SNX24: variants seen among roughly 807,000 people sequenced by gnomAD.
The protein encoded by SNX24 is sorting nexin 24, also known as sorting nexin-24.
Under a neutral mutation model 28.7 loss-of-function variants are expected in SNX24, and 22 were observed. That is an observed-to-expected ratio of 0.77 (90% CI 0.55 to 1.10). The LOEUF is 1.10. Ranked by LOEUF, SNX24 falls within the 50% of genes least tolerant of loss-of-function variation. The pLI is 0.00. For missense variants in SNX24, 221 were observed against 201.1 expected, an observed-to-expected ratio of 1.10 and a Z score of -0.60; for synonymous variants, 69 against 71.5, an observed-to-expected ratio of 0.96 and a Z score of 0.18.
intron 1 of SNX24, among the ~76,000 whole-genome samples, chr5:122,857,261 C>T (rs1269178054): frequency 6.6e-6 from 1 of 152,116 alleles, no homozygotes; most frequent in Admixed American, 6.5e-5. Flanking sequence ...ATCTGCCTGC[C>T]TCAGCCTCCC....
chr5:122,998,256 A>G (rs1762119707), intron 3 of SNX24: 1 of 152,026 alleles, frequency 6.6e-6, no homozygotes, highest in African/African-American at 2.4e-5. Context: ...GGACAGAGGG[A>G]TGGACGGATG....
intron 1 of SNX24, among the ~76,000 whole-genome samples, chr5:122,923,143 CA>C (rs1758516153): frequency 6.6e-6 from 1 of 151,918 alleles, no homozygotes; most frequent in Admixed American, 6.6e-5. Context: ...CCAGCCTGGG[CA>C]ACAAATCAAG....
chr5:122,941,971 G>C (rs1387681435), intron 2 of SNX24, among the ~76,000 whole-genome samples: 2 of 152,142 alleles, frequency 1.3e-5, no homozygotes, highest in Non-Finnish European at 2.9e-5. Flanking sequence ...GAGCCTTCAG[G>C]CTTATGAGTG....
At chr5:123,026,980 G>C (rs1241103097) in intron 5 of SNX24, among the ~76,000 whole-genome samples, 1 of 152,056 alleles carries the variant, frequency 6.6e-6, no homozygotes. Flanking sequence ...AGATCGCAAG[G>C]CCAGGAGATT....
At chr5:122,889,769 C>T (rs915513643) in intron 1 of SNX24, among the ~76,000 whole-genome samples, 1 of 147,290 alleles carries the variant, frequency 6.8e-6, no homozygotes, top group African/African-American at 2.5e-5. Context: ...TACCTCTTCT[C>T]CCTTCATTTT....
chr5:122,961,779 CAT>C (rs1302470417), intron 3 of SNX24, among the ~76,000 whole-genome samples: 7 of 152,122 alleles, frequency 4.6e-5, no homozygotes, highest in African/African-American at 1.7e-4. Flanking sequence ...TTCTGTTGTA[CAT>C]ACATGTTTCT....
chr5:122,969,556 A>G (rs959067341), intron 3 of SNX24, among the ~76,000 whole-genome samples: 7 of 152,318 alleles, frequency 4.6e-5, no homozygotes, highest in African/African-American at 1.7e-4. Context: ...ATGAAATCGT[A>G]ACATCTCTTG....
Position 123,007,782 on chromosome 5 carries a change from G to A in SNX24, c.*33G>A. ...ACATGGCTAAAAGAAGCAGAAGCAA[G>A]TTTCGAAGTCACAGTCAAGGAAATC... On this transcript the variant is annotated 3_prime_UTR_variant, in exon 7 of 7. Transcript: ENST00000261369. The A allele has an allele frequency of 1.3e-6, 2 of 1,581,124 alleles. No homozygotes were observed. The highest frequency in any genetic ancestry group is 1.7e-6 in the Non-Finnish European group (2 of 1,171,392).
intron 1 of SNX24, among the ~76,000 whole-genome samples, chr5:122,907,583 G>T (rs753900184): frequency 1.4e-4 from 21 of 152,150 alleles, no homozygotes; most frequent in Admixed American, 3.9e-4. Flanking sequence ...CTCTATTCCA[G>T]ACATGTACTA....
At chr5:123,010,778 G>C (rs1762559054), downstream of SNX24, among the ~76,000 whole-genome samples, 1 of 152,064 alleles carries the variant, frequency 6.6e-6, no homozygotes, top group African/African-American at 2.4e-5. Flanking sequence ...AGCAGATATT[G>C]TATGTTTAGT....
At chr5:122,861,681 G>A (rs1012039478) in intron 1 of SNX24, among the ~76,000 whole-genome samples, 2 of 151,966 alleles carry the variant, frequency 1.3e-5, no homozygotes, top group African/African-American at 2.4e-5. Context: ...TATTTGAAAC[G>A]CCCAATATGG....
chr5:122,942,968 C>T (rs914660129), intron 2 of SNX24, among the ~76,000 whole-genome samples: 1 of 152,040 alleles, frequency 6.6e-6, no homozygotes, highest in African/African-American at 2.4e-5. Context: ...AAAGGAGAGA[C>T]ATATAATAGA....
intron 1 of SNX24, among the ~76,000 whole-genome samples, chr5:122,862,481 A>C (rs980626561): frequency 6.6e-6 from 1 of 151,894 alleles, no homozygotes; most frequent in Non-Finnish European, 1.5e-5. Context: ...CGGCGCCTGT[A>C]GTCCCAGCTA....
chr5:122,940,575 G>GTAT (rs901044778), intron 2 of SNX24, among the ~76,000 whole-genome samples: 1 of 152,004 alleles, frequency 6.6e-6, no homozygotes, highest in African/African-American at 2.4e-5. Flanking sequence ...TAAAATTTAT[G>GTAT]TATTATTATT....
At chr5:122,871,026 T>A (rs534315808) in intron 1 of SNX24, among the ~76,000 whole-genome samples, 1 of 152,298 alleles carries the variant, frequency 6.6e-6, no homozygotes, top group Admixed American at 6.5e-5. Flanking sequence ...GGGGTATGGA[T>A]TGAGCATCAG....
intron 1 of SNX24, among the ~76,000 whole-genome samples, chr5:122,894,187 C>G (rs996247471): frequency 6.6e-6 from 1 of 152,004 alleles, no homozygotes; most frequent in Admixed American, 6.6e-5. Context: ...TGGTTTAAAA[C>G]TATATAAAGA....
intron 3 of SNX24, among the ~76,000 whole-genome samples, chr5:122,992,005 TTAAA>T (rs1295324867): frequency 1.2e-4 from 18 of 152,226 alleles, no homozygotes; most frequent in African/African-American, 4.3e-4. Context: ...TCCAATAAAA[TTAAA>T]TAAGAAAAGA....
chr5:123,015,471 T>C (rs1277164331), intron 5 of SNX24, among the ~76,000 whole-genome samples: 1 of 152,226 alleles, frequency 6.6e-6, no homozygotes, highest in Non-Finnish European at 1.5e-5. Flanking sequence ...ATGTCTATTC[T>C]TTTTACAAAT....
At chr5:122,860,488 A>G (rs1755408825) in intron 1 of SNX24, among the ~76,000 whole-genome samples, 1 of 152,180 alleles carries the variant, frequency 6.6e-6, no homozygotes, top group Non-Finnish European at 1.5e-5. Context: ...GTCTTACTCT[A>G]TCTTTTATTC....
Sources: gnomAD v4.1 joint callset for allele counts (sites outside exome capture counted in the v4.1 genomes callset) on GRCh38, gnomAD v4.1.1 for gene constraint, MANE v1.5 for transcripts, NCBI Gene and HGNC (gene_info 2026-07-23, HGNC 2026-07-21) for gene names.